The following ADAMDEC1 variants were observed in gnomAD, a reference collection of about 807,000 sequenced individuals.
ADAMDEC1 encodes ADAM like decysin 1.
ADAMDEC1 carries 62 observed loss-of-function variants against 60.4 expected under a neutral mutation model. The observed-to-expected ratio is 1.03, with a 90% confidence interval of 0.84 to 1.27. The LOEUF is 1.27. ADAMDEC1 is among the 50% of genes most tolerant of loss of function. The probability of loss-of-function intolerance (pLI) is 0.00; values close to 1 mark genes in which losing one functional copy is unlikely to be tolerated. For synonymous variants in ADAMDEC1, 210 were observed against 195.1 expected, an observed-to-expected ratio of 1.08 and a Z score of -0.64; for missense variants, 595 against 565.0, an observed-to-expected ratio of 1.05 and a Z score of -0.54.
At chr8:24,399,323 T>A in intron 9 of ADAMDEC1, 70 bp from the exon 10 acceptor site, 1 of 1,473,684 alleles carries the variant, frequency 6.8e-7, no homozygotes, top group East Asian at 2.3e-5. Context: ...AATTCGTTAA[T>A]GTAATTAACA....
At chr8:24,386,455 C>T (rs957921693) in intron 1 of ADAMDEC1, among the ~76,000 whole-genome samples, 4 of 152,160 alleles carry the variant, frequency 2.6e-5, no homozygotes, top group East Asian at 1.9e-4. Context: ...TATAAAACCA[C>T]GCCAGAAGTT....
intron 11 of ADAMDEC1, 106 bp from the exon 12 acceptor site, chr8:24,401,809 A>G: frequency 9.8e-7 from 1 of 1,018,568 alleles, no homozygotes. Context: ...GCTCGGTAAT[A>G]CAGTTAGATA....
At position 24,399,329 on chromosome 8, in the gene ADAMDEC1, T is replaced by A. The variant is rs1246511609; in HGVS notation, c.930-64T>A. 6 of 1,510,780 alleles carry A rather than the reference T, an allele frequency of 4.0e-6. No homozygotes were observed. In the Admixed American group the frequency reaches 1.0e-4, roughly 25 times the overall value. The allele number at this position is 1,510,780 out of a possible 1,614,324, so 93.6% of individuals were successfully genotyped here. On this transcript the variant is annotated intron_variant, in intron 9 of 13. Coordinates refer to ENST00000256412, the MANE Select transcript of ADAMDEC1 (RefSeq NM_014479.3). ...CAGCGAGGCAATTCGTTAATGTAAT[T>A]AACAAAAGCTAATGGTTACAAAGAC...
In ADAMDEC1 at chr8:24,398,549, G is replaced by A. The variant is rs1352286002; in HGVS notation, c.760G>A (p.Val254Met). Residue 254 changes from valine to methionine, a missense_variant and splice_region_variant, in exon 8 of 14, where the codon GTG becomes ATG. Physicochemically the swap from Val to Met is conservative, Grantham distance 21. Coordinates refer to ENST00000256412, the MANE Select transcript of ADAMDEC1 (RefSeq NM_014479.3). ...GTTTGATGTGATGAACCTACTCAAT[G>A]TGGTAAGACATTAGTCATGTAAACC... The part of the protein sequence containing the change: ...FVFDVMNLLN[V>M]IYNTIDVQVA... 6.3e-7 allele frequency: 1 copy of A among 1,595,976 alleles called. No individual in the cohort carries two copies. Among genetic ancestry groups the A allele is most frequent in the Non-Finnish European group, 8.6e-7 (1 of 1,167,904 alleles).
In ADAMDEC1 at chr8:24,397,300, C is replaced by A; in HGVS notation, c.471C>A (p.Tyr157Ter). 6.2e-7 allele frequency: 1 copy of A among 1,613,582 alleles called. No homozygotes were observed. The highest frequency in any genetic ancestry group is 8.5e-7 in the Non-Finnish European group (1 of 1,179,856). The change falls in exon 6 of 14, where the codon TAC becomes TAA. Residue 157 changes from tyrosine (Y) to a stop codon, truncating the protein, a stop_gained. Coordinates refer to ENST00000256412, the MANE Select transcript of ADAMDEC1 (RefSeq NM_014479.3). LOFTEE classifies it high-confidence loss of function. Reference sequence around the variant, plus strand: ...ACTTCACACATCATCACCAAAGATACCAGATAAAACCTCTGAAAAGCACAG... The same window carrying A: ...ACTTCACACATCATCACCAAAGATAACAGATAAAACCTCTGAAAAGCACAG... ...RGYFTHHHQR[Y>*]QIKPLKSTDE...
intron 1 of ADAMDEC1, chr8:24,388,028 T>C (rs1412686447): frequency 2.0e-5 from 3 of 152,380 alleles, no homozygotes; most frequent in Admixed American, 1.3e-4. Context: ...TTAACATTTA[T>C]TGTTCCCCTT....
At chr8:24,397,249 A>G (rs781432137) in intron 5 of ADAMDEC1, 21 bp from the exon 6 acceptor site, 10 of 1,592,770 alleles carry the variant, frequency 6.3e-6, no homozygotes, top group South Asian at 2.3e-5. Context: ...ATCCTGAAAT[A>G]TAAGTCTCTA....
In ADAMDEC1 at chr8:24,398,907, G is replaced by A. The variant is rs1397675872; in HGVS notation, c.796G>A (p.Val266Ile). 2 of 1,613,842 alleles carry A rather than the reference G, an allele frequency of 1.2e-6. No individual in the cohort carries two copies. The highest frequency in any genetic ancestry group is 2.2e-5 in the East Asian group (1 of 44,812). ...CACCATAGATGTTCAAGTGGCCTTGGTAGGTATGGAAATCTGGTCTGATGG... is the reference window on the plus strand; with the variant it reads ...CACCATAGATGTTCAAGTGGCCTTGATAGGTATGGAAATCTGGTCTGATGG... ...YNTIDVQVALVGMEIWSDGDK... is the reference protein window; with the variant it reads ...YNTIDVQVALIGMEIWSDGDK... Residue 266 changes from valine to isoleucine, a missense_variant, in exon 9 of 14, where the codon GTA (valine) becomes ATA (isoleucine). Physicochemically the swap from Val to Ile is conservative, Grantham distance 29 (BLOSUM62 3). Coordinates refer to ENST00000256412, the MANE Select transcript of ADAMDEC1 (RefSeq NM_014479.3).
chr8:24,389,262 C>T (rs1484594434), intron 1 of ADAMDEC1, among the ~76,000 whole-genome samples: 1 of 152,168 alleles, frequency 6.6e-6, no homozygotes, highest in Non-Finnish European at 1.5e-5. Context: ...TCTTCCTTCA[C>T]CTTTCCTCAA....
In ADAMDEC1 at chr8:24,398,491, T is replaced by C. The variant is rs755432725; in HGVS notation, c.702T>C (p.Tyr234=). ...TTTGTATTTTACAGTATAAGAACTATAATGAGAATCTAACTCTGATAAGAA... is the reference window on the plus strand; with the variant it reads ...TTTGTATTTTACAGTATAAGAACTACAATGAGAATCTAACTCTGATAAGAA... ...LVLDNAFYKN[Y]NENLTLIRSF... is the part of the protein sequence containing the mutation. Residue 234 remains tyrosine, a synonymous_variant, in exon 8 of 14, where the codon TAT becomes TAC. Transcript: ENST00000256412. The C allele has an allele frequency of 6.3e-7, 1 of 1,586,880 alleles. No individual in the cohort carries two copies. Among genetic ancestry groups the C allele is most frequent in the Non-Finnish European group, 8.6e-7 (1 of 1,158,972 alleles).
intron 1 of ADAMDEC1, chr8:24,390,157 C>A: frequency 1.1e-6 from 1 of 936,004 alleles, no homozygotes; most frequent in Non-Finnish European, 1.5e-6. Flanking sequence ...CTAAAGTCAG[C>A]ATTCAATAAA....
At chr8:24,386,588 G>A (rs1254430277) in intron 1 of ADAMDEC1, among the ~76,000 whole-genome samples, 1 of 152,074 alleles carries the variant, frequency 6.6e-6, no homozygotes, top group East Asian at 1.9e-4. Flanking sequence ...TGACCTATCT[G>A]TGCTGGCTTA....
chr8:24,402,304 G>A (rs1357167089), intron 12 of ADAMDEC1, among the ~76,000 whole-genome samples: 1 of 152,132 alleles, frequency 6.6e-6, no homozygotes, highest in Non-Finnish European at 1.5e-5. Context: ...GAAGTTAAAT[G>A]TAAAAAAGTA....
chr8:24,395,679 CA>C (rs1437404153), intron 4 of ADAMDEC1, 40 bp from the exon 5 acceptor site: 37 of 1,384,344 alleles, frequency 2.7e-5, no homozygotes, highest in Non-Finnish European at 3.8e-5. Flanking sequence ...TACACACACA[CA>C]CACACATTTC....
At chr8:24,404,425 G>A (rs1218863424) in intron 13 of ADAMDEC1, among the ~76,000 whole-genome samples, 1 of 152,152 alleles carries the variant, frequency 6.6e-6, no homozygotes, top group Non-Finnish European at 1.5e-5. Context: ...CAGTTGATGA[G>A]CTCATTTTAT....
rs371112617 is a variant in ADAMDEC1, at chr8:24,401,966, A to C, written c.1194A>C (p.Arg398Ser). ...FSTSCRAHFE[R>S]YLLSQKPKCL... ...CATCTTGCCGTGCACATTTTGAAAGATACCTTTTATCTCAGAAACCAAAGT... is the reference window on the plus strand; with the variant it reads ...CATCTTGCCGTGCACATTTTGAAAGCTACCTTTTATCTCAGAAACCAAAGT... The change falls in exon 12 of 14, where the codon AGA becomes AGC. Residue 398 changes from arginine (R) to serine (S), a missense_variant. Arg to Ser is a moderately radical substitution (Grantham distance 110). Transcript: ENST00000256412. 2.5e-6 allele frequency: 4 copies of C among 1,613,134 alleles called. No homozygotes were observed. In the African/African-American group the frequency reaches 4.0e-5, roughly 16 times the overall value.
intron 4 of ADAMDEC1, among the ~76,000 whole-genome samples, chr8:24,394,593 A>G (rs1240591102): frequency 6.6e-6 from 1 of 152,194 alleles, no homozygotes; most frequent in East Asian, 1.9e-4. Flanking sequence ...AGACAATACC[A>G]GGGCCAAATG....
At chr8:24,393,038 A>T (rs1315368015) in intron 2 of ADAMDEC1, among the ~76,000 whole-genome samples, 3 of 151,880 alleles carry the variant, frequency 2.0e-5, no homozygotes, top group Admixed American at 6.6e-5. Flanking sequence ...CCTATCTCAC[A>T]TATTAAAGCT....
chr8:24,400,364 C>T (rs1817731487), intron 11 of ADAMDEC1, 64 bp downstream of exon 11: 1 of 1,482,010 alleles, frequency 6.7e-7, no homozygotes. Context: ...TCTGAAGACA[C>T]ATATTATTCT....
Sources: allele counts gnomAD v4.1 joint callset (sites outside exome capture counted in the v4.1 genomes callset), GRCh38; gene constraint gnomAD v4.1.1; transcripts MANE v1.5; gene names NCBI Gene and HGNC (gene_info 2026-07-23, HGNC 2026-07-21).